The following ABCA13 variants were observed in gnomAD, a reference collection of about 807,000 sequenced individuals.
The protein encoded by ABCA13 is ATP binding cassette subfamily A member 13, also known as ATP-binding cassette sub-family A member 13.
A neutral mutation model predicts 478.7 loss-of-function variants in ABCA13; 476 were observed. That is an observed-to-expected ratio of 0.99 (90% CI 0.92 to 1.07). The LOEUF (loss-of-function observed/expected upper bound fraction) is 1.07, where lower values mean the gene tolerates loss of function less well. Among genes scored for constraint, ABCA13 ranks in the 50% least tolerant of loss-of-function variants. ABCA13 has a pLI of 0.00. For synonymous variants in ABCA13, 2,252 were observed against 2,158.9 expected, an observed-to-expected ratio of 1.04 and a Z score of -1.20; for missense variants, 6,060 against 5,910.6, an observed-to-expected ratio of 1.03 and a Z score of -0.83.
rs201668391 is a variant in ABCA13, at chr7:48,240,936, G to C, written c.1132G>C (p.Ala378Pro). ...CACAGGCATGGGCCATAGTCTGGAG[G>C]CTCTCAGGAATCAGTTTGAAGAAGA... ...TLTGMGHSLE[A>P]LRNQFEEESK... Residue 378 changes from alanine (A) to proline (P), a missense_variant, in exon 10 of 62, where the codon GCT becomes CCT. Ala to Pro is a conservative substitution (Grantham distance 27, BLOSUM62 -1). Transcript: ENST00000435803. 8.4e-5 allele frequency: 135 copies of C among 1,613,376 alleles called. No individual in the cohort carries two copies. The African/African-American group carries it at 1.8e-3, about 21-fold the overall frequency.
intron 29 of ABCA13, 112 bp downstream of exon 29, chr7:48,338,567 T>C (rs925988264): frequency 1.5e-5 from 10 of 658,788 alleles, no homozygotes; most frequent in Non-Finnish European, 2.4e-5. Flanking sequence ...GCAAGTCACT[T>C]TTCCTCTCTC....
chr7:48,204,655 C>T (rs1784700538), intron 3 of ABCA13, among the ~76,000 whole-genome samples: 1 of 152,184 alleles, frequency 6.6e-6, no homozygotes. Context: ...CCCCTTCCTC[C>T]GCACCTTCCA....
chr7:48,265,275 A>G (rs566776968), intron 15 of ABCA13, among the ~76,000 whole-genome samples: 9 of 151,544 alleles, frequency 5.9e-5, no homozygotes, highest in South Asian at 2.1e-4. Flanking sequence ...ATTCTAGGTC[A>G]TTTGCCTTTC....
chr7:48,324,861 A>G (rs1320956335), intron 27 of ABCA13, among the ~76,000 whole-genome samples: 5 of 152,198 alleles, frequency 3.3e-5, no homozygotes, highest in Admixed American at 3.3e-4. Context: ...ACAATGATGC[A>G]CAGTGTTTGC....
At chr7:48,444,276 A>G (rs566820958) in intron 42 of ABCA13, among the ~76,000 whole-genome samples, 3 of 152,206 alleles carry the variant, frequency 2.0e-5, no homozygotes, top group East Asian at 1.9e-4. Flanking sequence ...TCTCCCCTTT[A>G]CAGCCAAACT....
At position 48,329,012 on chromosome 7, in the gene ABCA13, C is replaced by T. The variant is rs187667351; in HGVS notation, c.10000-6410C>T. Among the ~76,000 whole-genome samples, 5 of 152,160 alleles carry T rather than the reference C, an allele frequency of 3.3e-5. No homozygotes were observed. In the East Asian group the frequency reaches 9.7e-4, roughly 29 times the overall value. On this transcript the variant is annotated intron_variant, in intron 27 of 61. Transcript: ENST00000435803. ...AAAGACAGCTATTCGCACATGCAAA[C>T]AAGGATATTTATTGTGCCATTGTTT... is the stretch of plus-strand genomic sequence containing the variant.
intron 46 of ABCA13, 47 bp downstream of exon 46, chr7:48,481,201 G>GTTT: frequency 2.1e-6 from 3 of 1,403,738 alleles, no homozygotes; most frequent in Non-Finnish European, 3.0e-6. Flanking sequence ...GGATTACTAT[G>GTTT]GAAAACTTAT....
intron 40 of ABCA13, 138 bp downstream of exon 40, chr7:48,410,815 GCC>G: frequency 7.9e-7 from 1 of 1,268,456 alleles, no homozygotes; most frequent in Non-Finnish European, 1.1e-6. Flanking sequence ...AAAATAAGTG[GCC>G]CCAGGCCTGT....
At chr7:48,203,140 C>T (rs1296331784) in intron 3 of ABCA13, among the ~76,000 whole-genome samples, 2 of 152,240 alleles carry the variant, frequency 1.3e-5, no homozygotes, top group African/African-American at 2.4e-5. Flanking sequence ...ACATCCTCCG[C>T]AGCCGCTGGC....
intron 27 of ABCA13, among the ~76,000 whole-genome samples, chr7:48,328,919 G>T (rs1020026002): frequency 6.6e-6 from 1 of 152,120 alleles, no homozygotes; most frequent in African/African-American, 2.4e-5. Flanking sequence ...TCACTCTCAT[G>T]CATTGCTGTT....
At chr7:48,610,602 G>T (rs1791934058) in intron 58 of ABCA13, among the ~76,000 whole-genome samples, 1 of 152,210 alleles carries the variant, frequency 6.6e-6, no homozygotes, top group Admixed American at 6.5e-5. Context: ...CCTAGTAGAG[G>T]TTTTCCACGA....
chr7:48,494,996 T>C (rs1360298620), intron 48 of ABCA13, among the ~76,000 whole-genome samples: 1 of 151,686 alleles, frequency 6.6e-6, no homozygotes, highest in East Asian at 1.9e-4. Context: ...AAAAAGCAGA[T>C]GAATAAGAAA....
intron 27 of ABCA13, among the ~76,000 whole-genome samples, chr7:48,321,452 T>C (rs968749214): frequency 6.6e-6 from 1 of 152,088 alleles, no homozygotes; most frequent in Admixed American, 6.5e-5. Context: ...TGTGGGATGA[T>C]GGAGGAGCTG....
At chr7:48,432,213 A>G (rs907430594) in intron 42 of ABCA13, among the ~76,000 whole-genome samples, 3 of 152,184 alleles carry the variant, frequency 2.0e-5, no homozygotes, top group Admixed American at 2.0e-4. Flanking sequence ...CAACAGGTAT[A>G]TGAAAAAATA....
In ABCA13 at chr7:48,272,932, G is replaced by T. The variant is rs748996429; in HGVS notation, c.3266G>T (p.Ser1089Ile). 5 of 1,612,980 alleles carry T rather than the reference G, an allele frequency of 3.1e-6. No homozygotes were observed. In the Admixed American group the frequency reaches 8.4e-5, roughly 27 times the overall value. ...LFQYMSQFFN[S>I]SVEDLLDNKC... ...CAATATATGAGCCAATTCTTCAACA[G>T]TTCAGTAGAAGACCTATTGGATAAT... is the stretch of plus-strand genomic sequence containing the variant. The change falls in exon 17 of 62, where the codon AGT (serine) becomes ATT (isoleucine). Residue 1089 changes from serine (S) to isoleucine (I), a missense_variant. Transcript: ENST00000435803.
chr7:48,448,303 T>A (rs1196938523), intron 42 of ABCA13, among the ~76,000 whole-genome samples: 1 of 152,242 alleles, frequency 6.6e-6, no homozygotes, highest in Non-Finnish European at 1.5e-5. Flanking sequence ...GACCTGTCTT[T>A]GGTGCATATT....
intron 55 of ABCA13, among the ~76,000 whole-genome samples, chr7:48,572,851 G>A (rs991691674): frequency 6.6e-6 from 1 of 152,032 alleles, no homozygotes; most frequent in African/African-American, 2.4e-5. Context: ...CCTAATGAAA[G>A]CATTTGGGTC....
chr7:48,267,013 A>G (rs193207861), intron 15 of ABCA13, among the ~76,000 whole-genome samples: 5 of 152,076 alleles, frequency 3.3e-5, no homozygotes, highest in African/African-American at 4.8e-5. Context: ...TTGATTTCCA[A>G]TTTAATTTCA....
At chr7:48,246,054 C>T (rs1009524310) in intron 13 of ABCA13, 24 bp downstream of exon 13, 4 of 1,588,990 alleles carry the variant, frequency 2.5e-6, no homozygotes, top group Non-Finnish European at 3.4e-6. Context: ...CATCTTAGCT[C>T]TTCTAAGGGC....
Sources: gnomAD v4.1 joint callset for allele counts (sites outside exome capture counted in the v4.1 genomes callset) on GRCh38, gnomAD v4.1.1 for gene constraint, MANE v1.5 for transcripts, NCBI Gene and HGNC (gene_info 2026-07-23, HGNC 2026-07-21) for gene names.